MET: variants seen among roughly 807,000 people sequenced by gnomAD.
The protein encoded by MET is MET proto-oncogene, receptor tyrosine kinase.
A neutral mutation model predicts 133.1 loss-of-function variants in MET; 48 were observed. That is an observed-to-expected ratio of 0.36 (90% CI 0.29 to 0.46). The LOEUF (loss-of-function observed/expected upper bound fraction) is 0.46, where lower values mean the gene tolerates loss of function less well. MET is among the 20% of genes least tolerant of loss of function. The probability of loss-of-function intolerance (pLI) is 1.00; values close to 1 mark genes in which losing one functional copy is unlikely to be tolerated. For synonymous variants in MET, 628 were observed against 616.5 expected, an observed-to-expected ratio of 1.02 and a Z score of -0.28; for missense variants, 1,442 against 1,695.9, an observed-to-expected ratio of 0.85 and a Z score of 2.63.
At chr7:116,749,638 G>A (rs571001808) in intron 5 of MET, among the ~76,000 whole-genome samples, 100 of 152,272 alleles carry the variant, frequency 6.6e-4, no homozygotes, top group African/African-American at 2.3e-3. Flanking sequence ...CAAATAAAGG[G>A]TATTCAGATA....
At chr7:116,783,193 A>G in intron 18 of MET, 111 bp from the exon 19 acceptor site, 2 of 1,243,802 alleles carry the variant, frequency 1.6e-6, no homozygotes, top group Admixed American at 1.9e-5. Flanking sequence ...TACTTCCTTC[A>G]GAAGTTATGG....
chr7:116,677,773 G>C (rs567950150), intron 1 of MET, among the ~76,000 whole-genome samples: 1 of 152,170 alleles, frequency 6.6e-6, no homozygotes, highest in Non-Finnish European at 1.5e-5. Context: ...TTGGCACGTG[G>C]TTATTTTTCT....
intron 1 of MET, among the ~76,000 whole-genome samples, chr7:116,674,431 A>C (rs2116429573): frequency 6.6e-6 from 1 of 152,380 alleles, no homozygotes; most frequent in Non-Finnish European, 1.5e-5. Flanking sequence ...TCTTTAAAAA[A>C]AAATTGTCTT....
chr7:116,773,004 A>G (rs1193999836), intron 14 of MET, among the ~76,000 whole-genome samples: 1 of 152,172 alleles, frequency 6.6e-6, no homozygotes, highest in African/African-American at 2.4e-5. Flanking sequence ...TAGTGCATCT[A>G]TTTAGTATTT....
Position 116,774,273 on chromosome 7 carries a change from A to G in MET, c.3029-608A>G, listed in dbSNP as rs920317979. On this transcript the variant is annotated intron_variant, in intron 14 of 20. Coordinates refer to ENST00000397752, the MANE Select transcript of MET (RefSeq NM_000245.4). ...TAGTGTCCTTAACTAAACAACAAGG[A>G]TGGTCCACTAACCGAGATCTAACCT... 2.6e-5 allele frequency among the ~76,000 whole-genome samples: 4 copies of G among 152,230 alleles called. No homozygotes were observed. The East Asian group carries it at 7.7e-4, about 29-fold the overall frequency.
Position 116,672,355 on chromosome 7 carries a change from C to CGGCG in MET, c.-226_-223dup, listed in dbSNP as rs1349114861. The CGGCG allele has an allele frequency of 3.0e-6, 1 of 337,486 alleles. No individual in the cohort carries two copies. Among genetic ancestry groups the CGGCG allele is most frequent in the Non-Finnish European group, 5.3e-6 (1 of 187,132 alleles). The allele number at this position is 337,486 out of a possible 1,614,324, so 20.9% of individuals were successfully genotyped here. A position where few individuals can be genotyped will look rare whatever the true frequency, so the allele number is the denominator to read the frequency against. ...TGGGAAGGGGCGGAGGGAGTGCGGC[C>CGGCG]GGCGGGCGGGCGGGGCGCTGGGCTC... On this transcript the variant is annotated 5_prime_UTR_variant, in exon 1 of 21. Transcript: ENST00000397752.
chr7:116,739,457 C>G (rs1793359810), intron 3 of MET, among the ~76,000 whole-genome samples: 1 of 152,186 alleles, frequency 6.6e-6, no homozygotes, highest in Non-Finnish European at 1.5e-5. Flanking sequence ...CTGAAAAGAT[C>G]TATAAATGTG....
At chr7:116,772,026 C>T (rs2116998667) in intron 14 of MET, 37 bp downstream of exon 14, 1 of 1,606,432 alleles carries the variant, frequency 6.2e-7, no homozygotes, top group Non-Finnish European at 8.5e-7. Flanking sequence ...AATACCTATA[C>T]ATATACCTCA....
chr7:116,728,592 T>C (rs1170405392), intron 2 of MET, among the ~76,000 whole-genome samples: 2 of 152,174 alleles, frequency 1.3e-5, no homozygotes, highest in African/African-American at 4.8e-5. Context: ...ATTCTTCTGC[T>C]GGCCTGATTC....
intron 5 of MET, among the ~76,000 whole-genome samples, chr7:116,744,714 G>C (rs566413912): frequency 6.6e-6 from 1 of 152,280 alleles, no homozygotes; most frequent in South Asian, 2.1e-4. Flanking sequence ...TCCTCTAGAA[G>C]AGCAACACCA....
intron 5 of MET, among the ~76,000 whole-genome samples, chr7:116,755,040 G>GAA (rs66849348): frequency 5.1e-5 from 2 of 39,370 alleles, no homozygotes; most frequent in African/African-American, 1.7e-4. Context: ...AAGAAAGAAA[G>GAA]AAAAGAAAGA....
At chr7:116,763,357 A>T in intron 11 of MET, 89 bp downstream of exon 11, 2 of 1,152,592 alleles carry the variant, frequency 1.7e-6, no homozygotes, top group Non-Finnish European at 2.6e-6. Context: ...GTACTTGGCC[A>T]TTGTATCTTA....
intron 1 of MET, among the ~76,000 whole-genome samples, chr7:116,673,823 T>C (rs1796059933): frequency 6.6e-6 from 1 of 152,226 alleles, no homozygotes; most frequent in Non-Finnish European, 1.5e-5. Flanking sequence ...TCTAAGCTAA[T>C]TGAGCTTTGT....
chr7:116,736,414 C>T (rs947162358), intron 3 of MET, among the ~76,000 whole-genome samples: 1 of 151,396 alleles, frequency 6.6e-6, no homozygotes, highest in Non-Finnish European at 1.5e-5. Flanking sequence ...GGGAGGTATA[C>T]AGAAACTGCA....
At chr7:116,775,297 G>C (rs1291386679) in intron 15 of MET, among the ~76,000 whole-genome samples, 186 bp downstream of exon 15, 1 of 152,216 alleles carries the variant, frequency 6.6e-6, no homozygotes, top group Non-Finnish European at 1.5e-5. Flanking sequence ...ATTTGCCCTT[G>C]TGCATGGAAG....
Position 116,774,967 on chromosome 7 carries a change from G to C in MET, c.3115G>C (p.Asp1039His). Residue 1039 changes from aspartate (D) to histidine (H), a missense_variant, in exon 15 of 21, where the codon GAC (aspartate) becomes CAC (histidine). Around this residue, in one of 6 missense-constraint regions of MET, gnomAD observed 514 missense variants for 659.6 expected, o/e 0.78. Coordinates refer to ENST00000397752, the MANE Select transcript of MET (RefSeq NM_000245.4). ...TDMSPILTSG[D>H]SDISSPLLQN... ...CATGTCCCCCATCCTAACTAGTGGG[G>C]ACTCTGATATATCCAGTCCATTACT... The C allele has an allele frequency of 6.2e-7, 1 of 1,614,126 alleles. No individual in the cohort carries two copies. The highest frequency in any genetic ancestry group is 8.5e-7 in the Non-Finnish European group (1 of 1,180,004).
chr7:116,675,366 G>A (rs996828941), intron 1 of MET, among the ~76,000 whole-genome samples: 2 of 152,050 alleles, frequency 1.3e-5, no homozygotes, highest in African/African-American at 4.8e-5. Flanking sequence ...ATTATTAAGA[G>A]GACATCACAT....
intron 6 of MET, among the ~76,000 whole-genome samples, chr7:116,755,782 G>C (rs1794155678): frequency 6.6e-6 from 1 of 152,174 alleles, no homozygotes; most frequent in Admixed American, 6.5e-5. Context: ...CAAGTCTTCA[G>C]GTGTTGTCTG....
intron 19 of MET, 56 bp downstream of exon 19, chr7:116,783,525 T>C (rs1795216248): frequency 4.4e-6 from 7 of 1,597,930 alleles, no homozygotes; most frequent in South Asian, 2.2e-5. Context: ...TCCAACTTTT[T>C]TTGAAGTTTT....
Sources: allele counts gnomAD v4.1 joint callset (sites outside exome capture counted in the v4.1 genomes callset), GRCh38; gene constraint gnomAD v4.1.1; regional missense constraint gnomAD v4.1.1; transcripts MANE v1.5; gene names NCBI Gene and HGNC (gene_info 2026-07-23, HGNC 2026-07-21).